CDK8: variants seen among roughly 807,000 people sequenced by gnomAD.
CDK8 encodes cyclin-dependent kinase 8.
Under a neutral mutation model 71.5 loss-of-function variants are expected in CDK8, and 29 were observed. That is an observed-to-expected ratio of 0.41 (90% CI 0.30 to 0.55). The LOEUF (loss-of-function observed/expected upper bound fraction) is 0.55, where lower values mean the gene tolerates loss of function less well. CDK8 is among the 20% of genes least tolerant of loss of function. CDK8 has a pLI of 0.37. For synonymous variants in CDK8, 161 were observed against 192.1 expected (o/e 0.84, Z 1.34); for missense variants, 288 against 572.6 (o/e 0.50, Z 5.07).
chr13:26,277,161 G>A lies in CDK8; in HGVS notation c.128+22392G>A, dbSNP rs183733851. Among the ~76,000 whole-genome samples the A allele has an allele frequency of 5.9e-5, 9 of 152,296 alleles. No homozygotes were observed. The South Asian group carries it at 1.0e-3, about 18-fold the overall frequency. ...CGTTGTGCTAATTCCTGTTGGTGTTGTAGTAATAATGCTTTAGTGTACTGA... is the reference window on the plus strand; with the variant it reads ...CGTTGTGCTAATTCCTGTTGGTGTTATAGTAATAATGCTTTAGTGTACTGA... On this transcript the variant is annotated intron_variant, in intron 1 of 12. Coordinates refer to ENST00000381527, the MANE Select transcript of CDK8 (RefSeq NM_001260.3).
intron 1 of CDK8, among the ~76,000 whole-genome samples, chr13:26,309,103 T>TA (rs1262392735): frequency 3.3e-5 from 5 of 152,088 alleles, no homozygotes; most frequent in African/African-American, 1.2e-4. Context: ...CCTCCTGTCA[T>TA]TATCATCATC....
rs532720160 is a variant in CDK8, at chr13:26,270,625, C to T, written c.128+15856C>T. On this transcript the variant is annotated intron_variant, in intron 1 of 12. Transcript: ENST00000381527. Reference sequence around the variant, plus strand: ...TGTTTTGGACATTTCATATAAATGACGAAATCATACAATATGTGCTCTTTT... The same window carrying T: ...TGTTTTGGACATTTCATATAAATGATGAAATCATACAATATGTGCTCTTTT... Among the ~76,000 whole-genome samples the T allele has an allele frequency of 8.7e-4, 133 of 152,260 alleles. 1 individual carries two copies. The highest frequency in any genetic ancestry group is 3.0e-3 in the African/African-American group (125 of 41,546).
chr13:26,339,640 A>T (rs1873141550), intron 2 of CDK8, among the ~76,000 whole-genome samples: 1 of 149,382 alleles, frequency 6.7e-6, no homozygotes, highest in Non-Finnish European at 1.5e-5. Context: ...ATTTGGATCA[A>T]TTCGAAGAAT....
chr13:26,303,169 C>A (rs1873897666), intron 1 of CDK8, among the ~76,000 whole-genome samples: 1 of 150,364 alleles, frequency 6.7e-6, no homozygotes, highest in African/African-American at 2.4e-5. Flanking sequence ...TAATTTTTTT[C>A]TCTTTACTAA....
intron 12 of CDK8, among the ~76,000 whole-genome samples, chr13:26,402,758 G>A (rs945297779): frequency 3.3e-5 from 5 of 152,348 alleles, no homozygotes; most frequent in South Asian, 4.1e-4. Flanking sequence ...GCACACTAAG[G>A]TGATGGCATC....
intron 4 of CDK8, among the ~76,000 whole-genome samples, chr13:26,381,852 A>G (rs757606712): frequency 2.2e-4 from 34 of 152,144 alleles, no homozygotes; most frequent in Non-Finnish European, 4.6e-4. Flanking sequence ...CCATCACTAC[A>G]TATGGTTAGA....
intron 1 of CDK8, among the ~76,000 whole-genome samples, chr13:26,304,991 A>G (rs759638241): frequency 2.6e-5 from 4 of 152,130 alleles, no homozygotes; most frequent in Non-Finnish European, 4.4e-5. Context: ...TTAATTCTGT[A>G]TGCCTGTAGC....
At chr13:26,296,668 T>C (rs1873574728) in intron 1 of CDK8, among the ~76,000 whole-genome samples, 1 of 152,146 alleles carries the variant, frequency 6.6e-6, no homozygotes, top group Non-Finnish European at 1.5e-5. Flanking sequence ...TCTATTGAGG[T>C]AAAATACCCC....
At chr13:26,308,428 G>C (rs140715211) in intron 1 of CDK8, among the ~76,000 whole-genome samples, 1 of 152,290 alleles carries the variant, frequency 6.6e-6, no homozygotes, top group African/African-American at 2.4e-5. Flanking sequence ...CTAGCTCTGT[G>C]ACCTTGGCCA....
At chr13:26,329,103 G>C (rs960790481) in intron 1 of CDK8, among the ~76,000 whole-genome samples, 1 of 152,098 alleles carries the variant, frequency 6.6e-6, no homozygotes, top group Non-Finnish European at 1.5e-5. Context: ...GCTATCTTCA[G>C]TCTCAGTTTT....
At chr13:26,272,085 G>GT (rs1872353964) in intron 1 of CDK8, among the ~76,000 whole-genome samples, 1 of 151,642 alleles carries the variant, frequency 6.6e-6, no homozygotes, top group Non-Finnish European at 1.5e-5. Flanking sequence ...AAACTTTTCA[G>GT]TTTTTTAAAA....
chr13:26,276,055 G>T (rs894154075), intron 1 of CDK8, among the ~76,000 whole-genome samples: 2 of 151,810 alleles, frequency 1.3e-5, no homozygotes, highest in Non-Finnish European at 2.9e-5. Context: ...TATAGATGGG[G>T]TTTCACCATG....
intron 1 of CDK8, among the ~76,000 whole-genome samples, chr13:26,320,463 CAT>C (rs1874725199): frequency 6.6e-6 from 1 of 151,710 alleles, no homozygotes; most frequent in Admixed American, 6.6e-5. Context: ...TAGAAGATAA[CAT>C]AGGGCAAAAG....
chr13:26,312,809 CG>C (rs1874349615), intron 1 of CDK8, among the ~76,000 whole-genome samples: 2 of 151,980 alleles, frequency 1.3e-5, no homozygotes, highest in African/African-American at 4.8e-5. Context: ...TTTATGTTTC[CG>C]GAGTGTGTGC....
intron 4 of CDK8, among the ~76,000 whole-genome samples, chr13:26,378,255 A>G (rs572713491): frequency 5.6e-4 from 86 of 152,266 alleles, no homozygotes; most frequent in African/African-American, 2.0e-3. Context: ...TTATTTTTCC[A>G]TCAGAGTTGG....
intron 1 of CDK8, among the ~76,000 whole-genome samples, chr13:26,334,060 G>A (rs150530676): frequency 1.2e-3 from 176 of 152,104 alleles, no homozygotes; most frequent in African/African-American, 4.0e-3. Context: ...AATTTATTTG[G>A]TATTATTTTT....
intron 5 of CDK8, among the ~76,000 whole-genome samples, chr13:26,383,393 A>G (rs1875325233): frequency 6.6e-6 from 1 of 152,220 alleles, no homozygotes; most frequent in African/African-American, 2.4e-5. Context: ...GGAAAAAATA[A>G]TGGGCATTCT....
At chr13:26,388,623 G>C (rs1200510569) in intron 6 of CDK8, among the ~76,000 whole-genome samples, 1 of 152,120 alleles carries the variant, frequency 6.6e-6, no homozygotes, top group African/African-American at 2.4e-5. Flanking sequence ...ACAGAAACTT[G>C]TGACTCTGGC....
intron 1 of CDK8, among the ~76,000 whole-genome samples, chr13:26,335,141 C>T (rs983862594): frequency 6.6e-6 from 1 of 152,110 alleles, no homozygotes; most frequent in South Asian, 2.1e-4. Flanking sequence ...TACTCCAGCA[C>T]CTGCCTTATT....
Sources: allele counts gnomAD v4.1 joint callset (sites outside exome capture counted in the v4.1 genomes callset), GRCh38; gene constraint gnomAD v4.1.1; transcripts MANE v1.5; gene names NCBI Gene and HGNC (gene_info 2026-07-23, HGNC 2026-07-21).